ERICH6B: variants seen among roughly 807,000 people sequenced by gnomAD.
ERICH6B encodes glutamate-rich protein 6B.
In ERICH6B, 69 loss-of-function variants were observed where a neutral mutation model predicts 80.0. That is an observed-to-expected ratio of 0.86 (90% CI 0.71 to 1.05). The LOEUF (loss-of-function observed/expected upper bound fraction) is 1.05, where lower values mean the gene tolerates loss of function less well. Ranked by LOEUF, ERICH6B falls within the 50% of genes least tolerant of loss-of-function variation. The probability of loss-of-function intolerance (pLI) is 0.00; values close to 1 mark genes in which losing one functional copy is unlikely to be tolerated. For missense variants in ERICH6B, 754 were observed against 796.1 expected, an observed-to-expected ratio of 0.95 and a Z score of 0.64; for synonymous variants, 283 against 291.9, an observed-to-expected ratio of 0.97 and a Z score of 0.31.
intron 3 of ERICH6B, among the ~76,000 whole-genome samples, chr13:45,595,095 G>T (rs1876308244): frequency 6.6e-6 from 1 of 152,202 alleles, no homozygotes; most frequent in African/African-American, 2.4e-5. Flanking sequence ...CTTACCCACA[G>T]ACTAAAATGA....
intron 8 of ERICH6B, among the ~76,000 whole-genome samples, chr13:45,573,650 G>GA (rs1445346052): frequency 6.6e-6 from 1 of 152,162 alleles, no homozygotes; most frequent in Non-Finnish European, 1.5e-5. Context: ...CTTGTGATGA[G>GA]AGCTCCCCTG....
rs2137961358 is a variant in ERICH6B, at chr13:45,549,904, A to G, written c.1635T>C (p.Asn545=). 3 of 1,550,682 alleles carry G rather than the reference A, an allele frequency of 1.9e-6. No individual in the cohort carries two copies. Among genetic ancestry groups the G allele is most frequent in the South Asian group, 2.4e-5 (2 of 84,050 alleles). Residue 545 remains asparagine, a synonymous_variant, in exon 13 of 15, where the codon AAT becomes AAC. Coordinates refer to ENST00000298738, the MANE Select transcript of ERICH6B (RefSeq NM_182542.3). ...TGACCCAAGCTTACCAGATATCACTATTTTCATCATAGAAGGTAGCATTGC... is the reference window on the plus strand; with the variant it reads ...TGACCCAAGCTTACCAGATATCACTGTTTTCATCATAGAAGGTAGCATTGC... ...NSGNATFYDE[N]SDIWLNLSSN... is the part of the protein sequence containing the mutation.
rs932220297 is a variant in ERICH6B at position 45,590,813 on chromosome 13, ACTTTT to A, written c.638-121_638-117del. ...CTAGTTATAGAAATTTTCTATTTTTACTTTTCTTTAGTATTGTCTCTTAATGGTTT... is the reference window on the plus strand; with the variant it reads ...CTAGTTATAGAAATTTTCTATTTTTACTTTAGTATTGTCTCTTAATGGTTT... On this transcript the variant is annotated intron_variant, in intron 3 of 14. Transcript: ENST00000298738. 7 of 839,364 alleles carry A rather than the reference ACTTTT, an allele frequency of 8.3e-6. No homozygotes were observed. In the African/African-American group the frequency reaches 1.2e-4, roughly 15 times the overall value. The allele number at this position is 839,364 out of a possible 1,614,324, so 52.0% of individuals were successfully genotyped here.
At chr13:45,555,039 C>T (rs1296254588) in intron 11 of ERICH6B, among the ~76,000 whole-genome samples, 1 of 152,160 alleles carries the variant, frequency 6.6e-6, no homozygotes, top group African/African-American at 2.4e-5. Flanking sequence ...TGGTGAGAAT[C>T]TTCCTCTTGG....
intron 8 of ERICH6B, among the ~76,000 whole-genome samples, chr13:45,573,456 A>G (rs1875258810): frequency 6.6e-6 from 1 of 152,186 alleles, no homozygotes; most frequent in Non-Finnish European, 1.5e-5. Context: ...TGAGACATTT[A>G]TTTCATAGCC....
chr13:45,589,608 G>A (rs1204339123), intron 4 of ERICH6B, among the ~76,000 whole-genome samples: 1 of 152,180 alleles, frequency 6.6e-6, no homozygotes, highest in African/African-American at 2.4e-5. Flanking sequence ...TTAAGTGGCT[G>A]CCCTGTAGCA....
At chr13:45,588,537 T>C (rs7329523) in intron 4 of ERICH6B, among the ~76,000 whole-genome samples, 25,618 of 152,112 alleles carry the variant, frequency 0.17, 2,444 homozygotes, top group African/African-American at 0.25. Context: ...CCTGTTTCTT[T>C]ATCCTTCTAG....
Position 45,596,977 on chromosome 13 carries a change from C to T in ERICH6B, c.29G>A (p.Gly10Glu), listed in dbSNP as rs1403676726. ...TGTGGGAGGGTGAGGAGGTGATGCT[C>T]CTGATAACTGATTATTTTCAGCAGA... MSAENNQLSGASPPHPPTTP... is the reference protein window; with the variant it reads MSAENNQLSEASPPHPPTTP... Residue 10 changes from glycine to glutamate, a missense_variant, in exon 3 of 15, where the codon GGA becomes GAA. By Grantham distance (98) the Gly-to-Glu change is moderately conservative. Transcript: ENST00000298738. The T allele has an allele frequency of 1.3e-6, 2 of 1,547,834 alleles. No individual in the cohort carries two copies. Among genetic ancestry groups the T allele is most frequent in the Admixed American group, 2.0e-5 (1 of 50,870 alleles).
intron 5 of ERICH6B, among the ~76,000 whole-genome samples, chr13:45,584,631 T>C (rs2104445): frequency 0.98 from 148,888 of 152,294 alleles, 72,778 homozygotes; most frequent in East Asian, 0.99. Context: ...CTGATAAGCG[T>C]TGAAAAGCTA....
At chr13:45,578,741 A>G (rs558056876) in intron 7 of ERICH6B, among the ~76,000 whole-genome samples, 161 of 152,338 alleles carry the variant, frequency 1.1e-3, no homozygotes, top group Middle Eastern at 3.4e-3. Flanking sequence ...TGGTCCATGG[A>G]TAAGGGAGCT....
intron 8 of ERICH6B, 131 bp from the exon 9 acceptor site, chr13:45,568,582 CCAGGGG>C: frequency 6.6e-6 from 6 of 915,146 alleles, no homozygotes; most frequent in Non-Finnish European, 9.4e-6. Flanking sequence ...AAAATGGGAA[CCAGGGG>C]CAGGGGGAGG....
intron 8 of ERICH6B, among the ~76,000 whole-genome samples, chr13:45,569,923 C>T (rs368615238): frequency 6.6e-6 from 1 of 152,208 alleles, no homozygotes; most frequent in African/African-American, 2.4e-5. Flanking sequence ...GACAATCCCT[C>T]CTTTGGGATG....
At chr13:45,606,834 G>A (rs1004354242) in intron 2 of ERICH6B, among the ~76,000 whole-genome samples, 5 of 151,864 alleles carry the variant, frequency 3.3e-5, no homozygotes, top group Non-Finnish European at 7.4e-5. Flanking sequence ...TATTACAGGC[G>A]TGAGCCACTG....
At chr13:45,565,468 A>G (rs545361787) in intron 9 of ERICH6B, among the ~76,000 whole-genome samples, 53 of 152,328 alleles carry the variant, frequency 3.5e-4, no homozygotes, top group African/African-American at 1.2e-3. Flanking sequence ...GGGTGTATGT[A>G]TGATATAGTT....
At chr13:45,613,821 T>A (rs563339869) in intron 1 of ERICH6B, among the ~76,000 whole-genome samples, 4 of 152,310 alleles carry the variant, frequency 2.6e-5, no homozygotes, top group African/African-American at 9.6e-5. Flanking sequence ...AATGTTTCTA[T>A]ACAAAGACTT....
intron 1 of ERICH6B, among the ~76,000 whole-genome samples, chr13:45,610,572 A>G (rs919392448): frequency 6.6e-6 from 1 of 152,224 alleles, no homozygotes; most frequent in African/African-American, 2.4e-5. Flanking sequence ...TCAGGTGGTT[A>G]CAATGTGAAC....
rs1034424689 is a variant in ERICH6B, at chr13:45,609,234, G to A, written c.-110-1619C>T. On this transcript the variant is annotated intron_variant, in intron 1 of 14. Coordinates refer to ENST00000298738, the MANE Select transcript of ERICH6B (RefSeq NM_182542.3). ...TTCCCTTTGAAAGCCCTCCTGGGCC[G>A]ACCCAAGTTGGCCCCACATCCTCTC... 2.0e-5 allele frequency among the ~76,000 whole-genome samples: 3 copies of A among 152,264 alleles called. No homozygotes were observed. In the East Asian group the frequency reaches 5.8e-4, roughly 29 times the overall value.
intron 11 of ERICH6B, among the ~76,000 whole-genome samples, chr13:45,556,101 C>A (rs1021845681): frequency 1.3e-5 from 2 of 151,528 alleles, no homozygotes; most frequent in African/African-American, 2.4e-5. Flanking sequence ...TCTCTCTCAG[C>A]CCAGCTGGAG....
chr13:45,610,857 G>GTGTGTA (rs147422113), intron 1 of ERICH6B, among the ~76,000 whole-genome samples: 66,117 of 146,384 alleles, frequency 0.45, 16,023 homozygotes, highest in Admixed American at 0.57. Context: ...GTGTGTGTGT[G>GTGTGTA]TATATATATA....
Sources: gnomAD v4.1 joint callset for allele counts (sites outside exome capture counted in the v4.1 genomes callset) on GRCh38, gnomAD v4.1.1 for gene constraint, MANE v1.5 for transcripts, NCBI Gene and HGNC (gene_info 2026-07-23, HGNC 2026-07-21) for gene names.